Variants in COQ8A observed in about 807,000 individuals in gnomAD.
The protein encoded by COQ8A is atypical kinase COQ8A, mitochondrial.
A neutral mutation model predicts 65.0 loss-of-function variants in COQ8A; 51 were observed. The observed-to-expected ratio is 0.78, with a 90% CI of 0.63 to 0.99. COQ8A has a LOEUF of 0.99. Ranked by LOEUF, COQ8A falls within the 50% of genes least tolerant of loss-of-function variation. The pLI is 0.00. For missense variants in COQ8A, 940 were observed against 875.0 expected, an observed-to-expected ratio of 1.07 and a Z score of -0.94; for synonymous variants, 371 against 353.2, an observed-to-expected ratio of 1.05 and a Z score of -0.57.
chr1:226,982,252 A>G, intron 6 of COQ8A, 103 bp downstream of exon 6: 1 of 1,475,950 alleles, frequency 6.8e-7, no homozygotes, highest in Non-Finnish European at 9.1e-7. Context: ...AGTGGGCAAG[A>G]TGTGAGCAGG....
intron 1 of COQ8A, among the ~76,000 whole-genome samples, chr1:226,941,641 G>A (rs1196552528): frequency 2.6e-5 from 4 of 152,076 alleles, no homozygotes; most frequent in Non-Finnish European, 2.9e-5. Flanking sequence ...CGGATGTGGT[G>A]GCGGGCGCCT....
chr1:226,946,760 T>A lies in COQ8A; in HGVS notation c.-10+6361T>A, dbSNP rs79929620. ...GTTTATTTAACTTCCATACCAGTGA[T>A]GTGTGCATGTCCACACCTGGCCTGT... On this transcript the variant is annotated intron_variant, in intron 1 of 14. Coordinates refer to ENST00000366777, the MANE Select transcript of COQ8A (RefSeq NM_020247.5). The surrounding 1 kb of genome is among the most constrained non-coding windows in gnomAD (Gnocchi z 5.3). 5.1e-3 allele frequency among the ~76,000 whole-genome samples: 775 copies of A among 152,320 alleles called. 15 individuals are homozygous for A. The highest frequency in any genetic ancestry group is 0.043 in the East Asian group (225 of 5,186).
chr1:226,953,899 C>G lies in COQ8A; in HGVS notation c.-9-7478C>G, dbSNP rs116238363. On this transcript the variant is annotated intron_variant, in intron 1 of 14. Coordinates refer to ENST00000366777, the MANE Select transcript of COQ8A (RefSeq NM_020247.5). Reference sequence around the variant, plus strand: ...GGTTCAGAAGTTTGAAGTCTTTGCCCCAACACATACATTCTTGTGAGTCCT... The same window carrying G: ...GGTTCAGAAGTTTGAAGTCTTTGCCGCAACACATACATTCTTGTGAGTCCT... Among the ~76,000 whole-genome samples the G allele has an allele frequency of 4.1e-3, 626 of 152,284 alleles. 5 individuals are homozygous for G. The highest frequency in any genetic ancestry group is 0.015 in the African/African-American group (606 of 41,552).
chr1:226,986,284 C>T (rs1361319759), intron 14 of COQ8A, among the ~76,000 whole-genome samples, 169 bp from the exon 15 acceptor site: 1 of 152,214 alleles, frequency 6.6e-6, no homozygotes, highest in African/African-American at 2.4e-5. Context: ...ATGTTACCCT[C>T]GTGTTCCCGG....
rs747485279 is a variant in COQ8A at position 226,984,220 on chromosome 1, G to C, written c.1383G>C (p.Gln461His). The C allele has an allele frequency of 6.2e-7, 1 of 1,613,720 alleles. No homozygotes were observed. The highest frequency in any genetic ancestry group is 8.5e-7 in the Non-Finnish European group (1 of 1,179,992). ...TGGACCAGGCCGAAGGGCTCAGCCA[G>C]GAGATTCGGAACGAGGTTTGTCTGT... ...FPLDQAEGLS[Q>H]EIRNEICYNI... Residue 461 changes from glutamine to histidine, a missense_variant, in exon 11 of 15, where the codon CAG (glutamine) becomes CAC (histidine). Coordinates refer to ENST00000366777, the MANE Select transcript of COQ8A (RefSeq NM_020247.5).
intron 5 of COQ8A, among the ~76,000 whole-genome samples, chr1:226,978,438 CCA>C (rs1451042732): frequency 6.7e-6 from 1 of 149,902 alleles, no homozygotes; most frequent in African/African-American, 2.5e-5. Context: ...CACCTCTCAC[CCA>C]CACACCTCCT....
At chr1:226,978,534 ACCTCCT>A (rs1659443383) in intron 5 of COQ8A, among the ~76,000 whole-genome samples, 11 of 108,970 alleles carry the variant, frequency 1.0e-4, no homozygotes, top group Non-Finnish European at 1.3e-4. Flanking sequence ...TGAACACTGC[ACCTCCT>A]TACCCTCCAC....
chr1:226,984,932 C>G lies in COQ8A; in HGVS notation c.1563C>G (p.Leu521=), dbSNP rs769642301. The part of the protein sequence containing the change: ...TREYDRSFTD[L]YIQIIRAAAD... ...AATATGACAGATCCTTCACCGACCT[C>G]TACATTCAGGTAACTGGAGAGGGGC... The change falls in exon 13 of 15, where the codon CTC becomes CTG. Residue 521 remains leucine (L), a synonymous_variant. Coordinates refer to ENST00000366777, the MANE Select transcript of COQ8A (RefSeq NM_020247.5). 4 of 1,614,214 alleles carry G rather than the reference C, an allele frequency of 2.5e-6. No individual in the cohort carries two copies. The South Asian group carries it at 4.4e-5, about 18-fold the overall frequency.
chr1:226,981,373 T>A (rs1358413793), intron 5 of COQ8A, among the ~76,000 whole-genome samples: 4 of 152,298 alleles, frequency 2.6e-5, no homozygotes, highest in African/African-American at 9.6e-5. Flanking sequence ...CTTGGTGGAC[T>A]GGAAAAAGGC....
chr1:226,976,800 A>G (rs972745514), intron 4 of COQ8A, among the ~76,000 whole-genome samples: 1 of 152,184 alleles, frequency 6.6e-6, no homozygotes, highest in East Asian at 1.9e-4. Flanking sequence ...CTGGCACCCC[A>G]CGGTCCTCAG....
In COQ8A at chr1:226,963,245, C is replaced by T. The variant is rs759958163; in HGVS notation, c.177+1683C>T. Among the ~76,000 whole-genome samples, 157 of 152,222 alleles carry T rather than the reference C, an allele frequency of 1.0e-3. 2 individuals carry two copies. The highest frequency in any genetic ancestry group is 4.5e-3 in the Admixed American group (69 of 15,292). ...AGGAGGCACGGGAGCAGGGTAGGCACCGGAGCAGGGTGGCTGCCCGCAGTG... is the reference window on the plus strand; with the variant it reads ...AGGAGGCACGGGAGCAGGGTAGGCATCGGAGCAGGGTGGCTGCCCGCAGTG... On this transcript the variant is annotated intron_variant, in intron 2 of 14. Coordinates refer to ENST00000366777, the MANE Select transcript of COQ8A (RefSeq NM_020247.5).
chr1:226,965,179 C>A lies in COQ8A; in HGVS notation c.357C>A (p.Tyr119Ter). 14 of 1,613,754 alleles carry A rather than the reference C, an allele frequency of 8.7e-6. No homozygotes were observed. The highest frequency in any genetic ancestry group is 1.1e-5 in the Non-Finnish European group (13 of 1,180,026). ...HAHSEGPAPAYVASGPFREAG... is the reference protein window; with the variant it reads ...HAHSEGPAPA ...ACAGCGAGGGCCCAGCTCCTGCCTA[C>A]GTGGCCAGTGGACCCTTTAGAGAAG... Residue 119 changes from tyrosine to a stop codon, truncating the protein, a stop_gained, in exon 3 of 15, where the codon TAC becomes TAA. Transcript: ENST00000366777. LOFTEE classifies it high-confidence loss of function.
intron 1 of COQ8A, among the ~76,000 whole-genome samples, chr1:226,945,570 C>T (rs1656986624): frequency 6.6e-6 from 1 of 152,202 alleles, no homozygotes; most frequent in Admixed American, 6.5e-5. Context: ...CATCTCTAAT[C>T]TTCCCGAGAT....
At chr1:226,944,216 G>T (rs1656861044) in intron 1 of COQ8A, among the ~76,000 whole-genome samples, 1 of 152,044 alleles carries the variant, frequency 6.6e-6, no homozygotes, top group African/African-American at 2.4e-5. Context: ...GAGCCCTCAG[G>T]TGTCACAGAG....
chr1:226,952,846 T>G (rs901948616), intron 1 of COQ8A, among the ~76,000 whole-genome samples: 1 of 152,168 alleles, frequency 6.6e-6, no homozygotes, highest in African/African-American at 2.4e-5. Context: ...AGATTTGTCT[T>G]CCCACCACTG....
At chr1:226,950,842 G>A (rs1657330278) in intron 1 of COQ8A, among the ~76,000 whole-genome samples, 1 of 152,144 alleles carries the variant, frequency 6.6e-6, no homozygotes, top group Admixed American at 6.5e-5. Flanking sequence ...GCACAAGAAT[G>A]TATAATTTTT....
In COQ8A at chr1:226,983,870, G is replaced by C; in HGVS notation, c.1256+16G>C. ...GCAAGTTCAGGTGTGGCCCCCGGCC[G>C]GGCCCCTTGCGTGTTTGCACCAGGG... On this transcript the variant is annotated intron_variant, in intron 10 of 14. Coordinates refer to ENST00000366777, the MANE Select transcript of COQ8A (RefSeq NM_020247.5). The C allele has an allele frequency of 6.3e-7, 1 of 1,589,150 alleles. No individual in the cohort carries two copies.
chr1:226,943,796 C>G (rs1656834317), intron 1 of COQ8A, among the ~76,000 whole-genome samples: 1 of 152,222 alleles, frequency 6.6e-6, no homozygotes, highest in African/African-American at 2.4e-5. Flanking sequence ...CTACCACAAT[C>G]AAGCTATAGA....
chr1:226,963,656 G>A (rs1658385724), intron 2 of COQ8A, among the ~76,000 whole-genome samples: 1 of 152,216 alleles, frequency 6.6e-6, no homozygotes, highest in Non-Finnish European at 1.5e-5. Context: ...TCAGGCTAGA[G>A]TGCAGTGGCG....
Sources: allele counts gnomAD v4.1 joint callset (sites outside exome capture counted in the v4.1 genomes callset), GRCh38; gene constraint gnomAD v4.1.1; non-coding constraint Gnocchi (gnomAD v3.1); transcripts MANE v1.5; gene names NCBI Gene and HGNC (gene_info 2026-07-23, HGNC 2026-07-21).